ZMAT3: variants seen among roughly 807,000 people sequenced by gnomAD.
The protein encoded by ZMAT3 is zinc finger matrin-type protein 3.
ZMAT3 carries 17 observed loss-of-function variants against 32.3 expected under a neutral mutation model. The observed-to-expected ratio is 0.53, with a 90% CI of 0.36 to 0.79. The LOEUF (loss-of-function observed/expected upper bound fraction) is 0.79. ZMAT3 is among the 30% of genes least tolerant of loss of function. The probability of loss-of-function intolerance (pLI) is 0.00; values close to 1 mark genes in which losing one functional copy is unlikely to be tolerated. For synonymous variants in ZMAT3, 120 were observed against 133.1 expected (o/e 0.90, Z 0.68); for missense variants, 329 against 359.7 (o/e 0.91, Z 0.69).
At position 179,023,681 on chromosome 3, in the gene ZMAT3, TGCTGGAAA is replaced by T. The variant is rs1305493961; in HGVS notation, c.*1328_*1335del. ...AAACACACCTTTGTTTCCTAAAAAC[TGCTGGAAA>T]ATATATCTATATATATATATATTTT... On this transcript the variant is annotated 3_prime_UTR_variant, in exon 6 of 6. Transcript: ENST00000311417. 1 of 91,142 alleles carries T rather than the reference TGCTGGAAA, an allele frequency of 1.1e-5. No individual in the cohort carries two copies. The highest frequency in any genetic ancestry group is 2.1e-5 in the Non-Finnish European group (1 of 47,978). 5.6% of individuals were successfully genotyped at this position (91,142 alleles called of 1,614,324 possible). A position where few individuals can be genotyped will look rare whatever the true frequency, so the allele number is the denominator to read the frequency against.
intron 3 of ZMAT3, among the ~76,000 whole-genome samples, chr3:179,030,095 T>TA (rs1354831777): frequency 2.0e-5 from 3 of 152,230 alleles, no homozygotes; most frequent in Non-Finnish European, 4.4e-5. Flanking sequence ...ATATCTTGCC[T>TA]AAAGCACCTG....
At position 179,022,310 on chromosome 3, in the gene ZMAT3, G is replaced by C. The variant is rs1718587290; in HGVS notation, c.*2707C>G. On this transcript the variant is annotated 3_prime_UTR_variant, in exon 6 of 6. Transcript: ENST00000311417. ...CCTTCTTATAAAACTATTTCCAATG[G>C]AAAACAAAGTGGATGAATGACATTT... 6.6e-6 allele frequency: 1 copy of C among 152,088 alleles called. No homozygotes were observed. Among genetic ancestry groups the C allele is most frequent in the South Asian group, 2.1e-4 (1 of 4,820 alleles). 9.4% of individuals were successfully genotyped at this position (152,088 alleles called of 1,614,324 possible). A position where few individuals can be genotyped will look rare whatever the true frequency, so the allele number is the denominator to read the frequency against.
intron 2 of ZMAT3, among the ~76,000 whole-genome samples, chr3:179,057,542 C>T (rs958538743): frequency 2.6e-5 from 4 of 152,330 alleles, no homozygotes; most frequent in African/African-American, 4.8e-5. Context: ...TCCTTCGGTA[C>T]GTGGATGATT....
chr3:179,052,725 C>G (rs1720633495), intron 2 of ZMAT3, among the ~76,000 whole-genome samples: 1 of 152,084 alleles, frequency 6.6e-6, no homozygotes, highest in African/African-American at 2.4e-5. Context: ...CAATTTGCAA[C>G]TGAAAAAATA....
chr3:179,019,910 A>G lies in ZMAT3; in HGVS notation c.*5107T>C, dbSNP rs1405133597. ...CATCAGTGTCAAGCTCTTCCAATCAACCACACTGCCATTCACTAAGTACAA... is the reference window on the plus strand; with the variant it reads ...CATCAGTGTCAAGCTCTTCCAATCAGCCACACTGCCATTCACTAAGTACAA... On this transcript the variant is annotated 3_prime_UTR_variant, in exon 6 of 6. Coordinates refer to ENST00000311417, the MANE Select transcript of ZMAT3 (RefSeq NM_022470.4). 6.6e-6 allele frequency: 1 copy of G among 152,148 alleles called. No individual in the cohort carries two copies. Among genetic ancestry groups the G allele is most frequent in the Non-Finnish European group, 1.5e-5 (1 of 68,010 alleles). 9.4% of individuals were successfully genotyped at this position (152,148 alleles called of 1,614,324 possible).
At chr3:179,054,252 C>T (rs116532426) in intron 2 of ZMAT3, among the ~76,000 whole-genome samples, 66 of 152,292 alleles carry the variant, frequency 4.3e-4, no homozygotes, top group African/African-American at 1.5e-3. Flanking sequence ...ATTCTAAATG[C>T]CCCACACATA....
intron 5 of ZMAT3, among the ~76,000 whole-genome samples, chr3:179,026,067 G>A: frequency 6.6e-6 from 1 of 152,196 alleles, no homozygotes; most frequent in Non-Finnish European, 1.5e-5. Flanking sequence ...TTCACTGTAG[G>A]AATTTTTAAT....
intron 2 of ZMAT3, among the ~76,000 whole-genome samples, chr3:179,057,632 C>T (rs1210083408): frequency 6.6e-6 from 1 of 152,220 alleles, no homozygotes; most frequent in African/African-American, 2.4e-5. Flanking sequence ...CCTGTGGCTA[C>T]AAGGTTTCCA....
At chr3:179,050,222 C>T (rs144462279) in intron 2 of ZMAT3, among the ~76,000 whole-genome samples, 2 of 151,698 alleles carry the variant, frequency 1.3e-5, no homozygotes, top group East Asian at 1.9e-4. Flanking sequence ...AACTAATAAA[C>T]AATTATTGAG....
At chr3:179,030,601 GTC>G (rs1451710144) in intron 3 of ZMAT3, among the ~76,000 whole-genome samples, 28 of 152,056 alleles carry the variant, frequency 1.8e-4, no homozygotes, top group African/African-American at 6.8e-4. Flanking sequence ...TGATTCGCCC[GTC>G]TCGGCCTCCC....
In ZMAT3 at chr3:179,020,886, C is replaced by G. The variant is rs1006805877; in HGVS notation, c.*4131G>C. 2.2e-4 allele frequency: 34 copies of G among 152,232 alleles called. No homozygotes were observed. Among genetic ancestry groups the G allele is most frequent in the African/African-American group, 8.2e-4 (34 of 41,468 alleles). 9.4% of individuals were successfully genotyped at this position (152,232 alleles called of 1,614,324 possible). On this transcript the variant is annotated 3_prime_UTR_variant, in exon 6 of 6. Coordinates refer to ENST00000311417, the MANE Select transcript of ZMAT3 (RefSeq NM_022470.4). Reference sequence around the variant, plus strand: ...CAGACATACATATCTCCCTTTCTCCCTGTTCAAACTGTAGATAGGTAGCTA... The same window carrying G: ...CAGACATACATATCTCCCTTTCTCCGTGTTCAAACTGTAGATAGGTAGCTA...
intron 2 of ZMAT3, among the ~76,000 whole-genome samples, chr3:179,058,487 T>G (rs562785031): frequency 7.5e-4 from 114 of 152,328 alleles, no homozygotes; most frequent in Admixed American, 2.2e-3. Flanking sequence ...ACGGGCGCGG[T>G]GGCTCACGCC....
intron 2 of ZMAT3, among the ~76,000 whole-genome samples, chr3:179,053,902 C>A (rs1314766312): frequency 6.6e-6 from 1 of 152,104 alleles, no homozygotes; most frequent in Non-Finnish European, 1.5e-5. Context: ...ATAACTAGAA[C>A]CAGGGAAAGG....
intron 2 of ZMAT3, among the ~76,000 whole-genome samples, chr3:179,042,429 T>A (rs1379078930): frequency 6.6e-6 from 1 of 151,928 alleles, no homozygotes; most frequent in Non-Finnish European, 1.5e-5. Flanking sequence ...CATACACAAA[T>A]CAAAAAACAT....
intron 2 of ZMAT3, among the ~76,000 whole-genome samples, chr3:179,064,677 C>A (rs142214794): frequency 6.6e-6 from 1 of 152,114 alleles, no homozygotes; most frequent in African/African-American, 2.4e-5. Context: ...ACTATCTTCC[C>A]GCCTCAGCCT....
chr3:179,030,897 C>A lies in ZMAT3; in HGVS notation c.373G>T (p.Val125Phe), dbSNP rs766655569. 1 of 1,613,630 alleles carries A rather than the reference C, an allele frequency of 6.2e-7. No individual in the cohort carries two copies. Among genetic ancestry groups the A allele is most frequent in the Admixed American group, 1.7e-5 (1 of 59,960 alleles). ...TGTCTCACCTGCGGAGGGACTGGAA[C>A]AACTGGAGTAGCTGCAGGCTCGACC... ...NVVEPAATPV[V>F]PVPPQMGSFK... is the part of the protein sequence containing the mutation. Residue 125 changes from valine (V) to phenylalanine (F), a missense_variant, in exon 3 of 6, where the codon GTT becomes TTT. Transcript: ENST00000311417.
At chr3:179,062,314 G>A (rs992383048) in intron 2 of ZMAT3, among the ~76,000 whole-genome samples, 2 of 152,160 alleles carry the variant, frequency 1.3e-5, no homozygotes, top group Non-Finnish European at 2.9e-5. Context: ...GGACAGGAGA[G>A]GAGAGGAGAA....
intron 4 of ZMAT3, 32 bp downstream of exon 4, chr3:179,027,614 A>G: frequency 6.2e-7 from 1 of 1,613,952 alleles, no homozygotes; most frequent in Non-Finnish European, 8.5e-7. Flanking sequence ...CTCACATAAC[A>G]CTTTGGCCTC....
intron 2 of ZMAT3, among the ~76,000 whole-genome samples, chr3:179,043,089 G>C (rs911459652): frequency 6.6e-6 from 1 of 152,160 alleles, no homozygotes; most frequent in African/African-American, 2.4e-5. Context: ...CAAACAAATG[G>C]AAGAACATTC....
Sources: gnomAD v4.1 joint callset for allele counts (sites outside exome capture counted in the v4.1 genomes callset) on GRCh38, gnomAD v4.1.1 for gene constraint, MANE v1.5 for transcripts, NCBI Gene and HGNC (gene_info 2026-07-23, HGNC 2026-07-21) for gene names.